BMP2K: variants seen among roughly 807,000 people sequenced by gnomAD.
The protein encoded by BMP2K is BMP-2-inducible protein kinase.
Under a neutral mutation model 116.0 loss-of-function variants are expected in BMP2K, and 74 were observed. The ratio of observed to expected loss-of-function variants is 0.64; its 90% CI spans 0.53 to 0.77. BMP2K has a LOEUF of 0.77. Among genes scored for constraint, BMP2K ranks in the 30% least tolerant of loss-of-function variants. BMP2K has a pLI of 0.00. For missense variants in BMP2K, 1,365 were observed against 1,403.6 expected, an observed-to-expected ratio of 0.97 and a Z score of 0.44; for synonymous variants, 486 against 502.5, an observed-to-expected ratio of 0.97 and a Z score of 0.44.
intron 7 of BMP2K, among the ~76,000 whole-genome samples, chr4:78,858,785 G>GTTAA (rs10669491): frequency 0.46 from 70,106 of 151,300 alleles, 21,019 homozygotes; most frequent in African/African-American, 0.86. Context: ...ACAACTTAGA[G>GTTAA]TTAATGAAGC....
chr4:78,822,701 T>G (rs942827697), intron 1 of BMP2K, among the ~76,000 whole-genome samples: 1 of 152,100 alleles, frequency 6.6e-6, no homozygotes, highest in Non-Finnish European at 1.5e-5. Flanking sequence ...TGGACATATA[T>G]ATGTAGAGTC....
intron 13 of BMP2K, 110 bp downstream of exon 13, chr4:78,872,908 A>AG: frequency 9.0e-7 from 1 of 1,115,356 alleles, no homozygotes; most frequent in South Asian, 1.6e-5. Flanking sequence ...ATCTTTCTGT[A>AG]GAGCCACCCA....
rs1734587916 is a variant in BMP2K at position 78,911,359 on chromosome 4, C to T, written c.2812C>T (p.Gln938Ter). The T allele has an allele frequency of 1.9e-6, 3 of 1,613,816 alleles. No homozygotes were observed. The highest frequency in any genetic ancestry group is 2.5e-6 in the Non-Finnish European group (3 of 1,179,828). The change falls in exon 16 of 16, where the codon CAG becomes TAG. Residue 938 changes from glutamine to a stop codon, truncating the protein, a stop_gained. Coordinates refer to ENST00000502613, the MANE Select transcript of BMP2K (RefSeq NM_198892.2). LOFTEE classifies it high-confidence loss of function. ...SVDVFGSTPF[Q>*]PFLTSTSKSE... ...AGATGTATTTGGCTCCACTCCATTT[C>T]AGCCCTTCCTCACATCAACAAGTAA...
At chr4:78,825,991 A>G in intron 1 of BMP2K, 46 bp from the exon 2 acceptor site, 1 of 1,382,394 alleles carries the variant, frequency 7.2e-7, no homozygotes, top group Non-Finnish European at 1.0e-6. Context: ...TGATTTTGGC[A>G]TTTGTTTTTG....
At chr4:78,830,661 C>T (rs1730165802) in intron 2 of BMP2K, among the ~76,000 whole-genome samples, 1 of 152,186 alleles carries the variant, frequency 6.6e-6, no homozygotes, top group Non-Finnish European at 1.5e-5. Flanking sequence ...GCTGCATTTC[C>T]TGCTTTACTT....
intron 15 of BMP2K, among the ~76,000 whole-genome samples, chr4:78,903,872 G>A (rs1336299111): frequency 4.6e-5 from 7 of 151,824 alleles, no homozygotes; most frequent in Admixed American, 3.3e-4. Context: ...TTTTGCTGGT[G>A]ATAATATTCT....
chr4:78,856,016 A>G (rs1419266955), intron 7 of BMP2K, among the ~76,000 whole-genome samples: 1 of 152,124 alleles, frequency 6.6e-6, no homozygotes, highest in Non-Finnish European at 1.5e-5. Flanking sequence ...TGAACTGGAC[A>G]CATACATTCC....
intron 1 of BMP2K, among the ~76,000 whole-genome samples, chr4:78,815,000 C>G (rs980419652): frequency 6.6e-6 from 1 of 152,036 alleles, no homozygotes; most frequent in African/African-American, 2.4e-5. Context: ...ATTGGATGAA[C>G]ACTCCAACTT....
At chr4:78,797,639 CTT>C (rs1728361365) in intron 1 of BMP2K, among the ~76,000 whole-genome samples, 1 of 152,074 alleles carries the variant, frequency 6.6e-6, no homozygotes, top group South Asian at 2.1e-4. Context: ...TATAGTGTGT[CTT>C]ATCATTTTTA....
intron 10 of BMP2K, among the ~76,000 whole-genome samples, chr4:78,867,006 A>T (rs1732085166): frequency 6.6e-6 from 1 of 151,986 alleles, no homozygotes; most frequent in African/African-American, 2.4e-5. Flanking sequence ...TGAGGCCAGG[A>T]GTTCAAGACC....
At chr4:78,904,540 A>C (rs564255575) in intron 15 of BMP2K, among the ~76,000 whole-genome samples, 11 of 151,962 alleles carry the variant, frequency 7.2e-5, no homozygotes, top group Non-Finnish European at 1.3e-4. Flanking sequence ...TGCTGTTCTT[A>C]ATAAATTACC....
chr4:78,887,122 G>T, intron 14 of BMP2K, 52 bp from the exon 15 acceptor site: 1 of 1,271,924 alleles, frequency 7.9e-7, no homozygotes, highest in Non-Finnish European at 1.1e-6. Context: ...TTAATTTAAA[G>T]ATCATTTTTA....
chr4:78,843,142 T>C (rs1220806808), intron 4 of BMP2K, among the ~76,000 whole-genome samples: 2 of 151,970 alleles, frequency 1.3e-5, no homozygotes, highest in Non-Finnish European at 2.9e-5. Flanking sequence ...AATTTATAAC[T>C]GCAGGTGTCC....
rs1436125377 is a variant in BMP2K, at chr4:78,916,339, C to A, written c.*4306C>A. ...TCTGTTTTCTTTAAATGCAATAAATCCCAAATGGATTGCATATTCTTTATA... is the reference window on the plus strand; with the variant it reads ...TCTGTTTTCTTTAAATGCAATAAATACCAAATGGATTGCATATTCTTTATA... On this transcript the variant is annotated 3_prime_UTR_variant, in exon 16 of 16. Coordinates refer to ENST00000502613, the MANE Select transcript of BMP2K (RefSeq NM_198892.2). The A allele has an allele frequency of 6.6e-6, 1 of 151,890 alleles. No homozygotes were observed. Among genetic ancestry groups the A allele is most frequent in the Non-Finnish European group, 1.5e-5 (1 of 67,886 alleles). The allele number at this position is 151,890 out of a possible 1,614,324, so 9.4% of individuals were successfully genotyped here.
At position 78,914,367 on chromosome 4, in the gene BMP2K, A is replaced by C. The variant is rs1398828928; in HGVS notation, c.*2334A>C. Reference sequence around the variant, plus strand: ...CACAGCACAGTGACTTTCTTCTTTCAAGATTGTAGCTCAGAGAAAAGATAC... The same window carrying C: ...CACAGCACAGTGACTTTCTTCTTTCCAGATTGTAGCTCAGAGAAAAGATAC... On this transcript the variant is annotated 3_prime_UTR_variant, in exon 16 of 16. Coordinates refer to ENST00000502613, the MANE Select transcript of BMP2K (RefSeq NM_198892.2). 1 of 152,064 alleles carries C rather than the reference A, an allele frequency of 6.6e-6. No homozygotes were observed. Among genetic ancestry groups the C allele is most frequent in the Non-Finnish European group, 1.5e-5 (1 of 67,942 alleles). The allele number at this position is 152,064 out of a possible 1,614,324, so 9.4% of individuals were successfully genotyped here.
intron 8 of BMP2K, chr4:78,860,043 G>C (rs1553918255): frequency 2.0e-6 from 1 of 497,368 alleles, no homozygotes; most frequent in Admixed American, 2.2e-5. Flanking sequence ...TAGAAGTGTT[G>C]TAAACAATTA....
chr4:78,911,253 T>C lies in BMP2K; in HGVS notation c.2706T>C (p.Pro902=). The change falls in exon 16 of 16, where the codon CCT becomes CCC. Residue 902 remains proline (P), a synonymous_variant. Coordinates refer to ENST00000502613, the MANE Select transcript of BMP2K (RefSeq NM_198892.2). ...AATTTGATGTATTCACAAAGGCGCC[T>C]TTTAGCAAGAAGGTGAATGTACAAG... ...QEEFDVFTKA[P]FSKKVNVQEC... 1 of 1,613,972 alleles carries C rather than the reference T, an allele frequency of 6.2e-7. No individual in the cohort carries two copies. The highest frequency in any genetic ancestry group is 8.5e-7 in the Non-Finnish European group (1 of 1,179,880).
At chr4:78,865,043 T>G (rs962915528) in intron 9 of BMP2K, among the ~76,000 whole-genome samples, 1 of 152,218 alleles carries the variant, frequency 6.6e-6, no homozygotes, top group Non-Finnish European at 1.5e-5. Flanking sequence ...AAGTTAAAGA[T>G]TCAAGAAGTT....
At chr4:78,898,624 C>A (rs1198242149) in intron 15 of BMP2K, among the ~76,000 whole-genome samples, 3 of 149,808 alleles carry the variant, frequency 2.0e-5, no homozygotes, top group Non-Finnish European at 3.0e-5. Flanking sequence ...TGTTTAAAGT[C>A]CTTCCATTGG....
Sources: allele counts gnomAD v4.1 joint callset (sites outside exome capture counted in the v4.1 genomes callset), GRCh38; gene constraint gnomAD v4.1.1; transcripts MANE v1.5; gene names NCBI Gene and HGNC (gene_info 2026-07-23, HGNC 2026-07-21).